Variants in AMOTL1 observed in about 807,000 individuals in gnomAD.
AMOTL1 encodes angiomotin-like protein 1.
A neutral mutation model predicts 102.9 loss-of-function variants in AMOTL1; 45 were observed. That is an observed-to-expected ratio of 0.44 (90% CI 0.34 to 0.56). AMOTL1 has a LOEUF of 0.56. Among genes scored for constraint, AMOTL1 ranks in the 20% least tolerant of loss-of-function variants. The probability of loss-of-function intolerance (pLI) is 0.01; values close to 1 mark genes in which losing one functional copy is unlikely to be tolerated. For synonymous variants in AMOTL1, 481 were observed against 484.7 expected (o/e 0.99, Z 0.10); for missense variants, 1,114 against 1,225.6 (o/e 0.91, Z 1.36).
intron 6 of AMOTL1, among the ~76,000 whole-genome samples, chr11:94,841,542 TG>T (rs1364844134): frequency 6.6e-6 from 1 of 152,252 alleles, no homozygotes; most frequent in Non-Finnish European, 1.5e-5. Context: ...TGATTTAAAA[TG>T]GAATCACTAG....
At chr11:94,756,118 C>G (rs1055959112) in intron 3 of AMOTL1, among the ~76,000 whole-genome samples, 1 of 147,936 alleles carries the variant, frequency 6.8e-6, no homozygotes, top group Non-Finnish European at 1.5e-5. Context: ...ATTCCGCTGT[C>G]GATGGCCTGC....
chr11:94,809,484 G>A (rs920482703), intron 3 of AMOTL1, among the ~76,000 whole-genome samples: 2 of 152,288 alleles, frequency 1.3e-5, no homozygotes, highest in African/African-American at 2.4e-5. Flanking sequence ...ATTGCATTCC[G>A]TGGTGCTGGA....
At chr11:94,756,230 G>A (rs1006943770) in intron 3 of AMOTL1, among the ~76,000 whole-genome samples, 7 of 152,088 alleles carry the variant, frequency 4.6e-5, no homozygotes, top group African/African-American at 1.7e-4. Flanking sequence ...GGCACAGGAT[G>A]GGGGGCGTGG....
At chr11:94,824,287 A>G (rs1951922586) in intron 4 of AMOTL1, among the ~76,000 whole-genome samples, 1 of 152,200 alleles carries the variant, frequency 6.6e-6, no homozygotes, top group Non-Finnish European at 1.5e-5. Context: ...GGAAGCTACA[A>G]TTTTAAGCAA....
intron 3 of AMOTL1, among the ~76,000 whole-genome samples, chr11:94,808,965 C>CTTTTTTTTTTTTTTTT (rs199619372): frequency 3.6e-5 from 4 of 111,894 alleles, no homozygotes; most frequent in Non-Finnish European, 7.4e-5. Flanking sequence ...TTCTTTCTTT[C>CTTTTTTTTTTTTTTTT]TTTTTTTTTT....
intron 8 of AMOTL1, among the ~76,000 whole-genome samples, chr11:94,855,046 A>G (rs1268677154): frequency 6.6e-6 from 1 of 152,208 alleles, no homozygotes; most frequent in African/African-American, 2.4e-5. Context: ...CCTGTCCACC[A>G]TCACCCAGCA....
chr11:94,835,247 CT>C (rs1357250348), intron 6 of AMOTL1, among the ~76,000 whole-genome samples: 1 of 152,216 alleles, frequency 6.6e-6, no homozygotes, highest in African/African-American at 2.4e-5. Flanking sequence ...ACCAGGGCCT[CT>C]AGCCAACTCC....
In AMOTL1 at chr11:94,768,574, A is replaced by G. The variant is rs1222860226; in HGVS notation, c.49+14A>G. 3.8e-6 allele frequency: 6 copies of G among 1,587,154 alleles called. No homozygotes were observed. The highest frequency in any genetic ancestry group is 1.7e-4 in the Middle Eastern group (1 of 6,028). On this transcript the variant is annotated intron_variant, in intron 1 of 12. Coordinates refer to ENST00000433060, the MANE Select transcript of AMOTL1 (RefSeq NM_130847.3). ...CTGCGGTGAAAGGTAACCAGCCCCC[A>G]CTCGAGGTGCCGGGAGGGCGTCTCC...
At chr11:94,789,160 CT>C (rs1381502513) in intron 1 of AMOTL1, among the ~76,000 whole-genome samples, 2 of 151,988 alleles carry the variant, frequency 1.3e-5, no homozygotes, top group African/African-American at 4.8e-5. Context: ...TTATTTATTT[CT>C]GTATTTTTAT....
At chr11:94,826,665 A>G (rs917273187) in intron 4 of AMOTL1, among the ~76,000 whole-genome samples, 1 of 152,186 alleles carries the variant, frequency 6.6e-6, no homozygotes, top group Non-Finnish European at 1.5e-5. Flanking sequence ...CTACTGCGAG[A>G]AAGGCACCAA....
chr11:94,860,421 A>G (rs914536983), intron 9 of AMOTL1, among the ~76,000 whole-genome samples: 1 of 152,176 alleles, frequency 6.6e-6, no homozygotes, highest in African/African-American at 2.4e-5. Context: ...TTGTAGGTGT[A>G]TGGCTTATTC....
intron 3 of AMOTL1, among the ~76,000 whole-genome samples, chr11:94,810,498 A>AC (rs1308594578): frequency 6.7e-6 from 1 of 148,510 alleles, no homozygotes; most frequent in Non-Finnish European, 1.5e-5. Flanking sequence ...TTTTAGTCCA[A>AC]AAAAAAAAAA....
rs118009967 is a variant in AMOTL1, at chr11:94,750,655, A to G, written c.136+9667A>G. On this transcript the variant is annotated intron_variant, in intron 3 of 4. Transcript: ENST00000299004. The stretch of plus-strand genomic sequence containing the variant: ...AGATCTCTCCACCCTTTAGAAGCCT[A>G]TGTATCCTGCCATCCTCCTCCTCAA... 2.4e-4 allele frequency among the ~76,000 whole-genome samples: 37 copies of G among 152,276 alleles called. No homozygotes were observed. In the East Asian group the frequency reaches 6.8e-3, roughly 28 times the overall value.
rs768306511 is a variant in AMOTL1 at position 94,859,516 on chromosome 11, C to T, written c.1945-9C>T. 1.2e-6 allele frequency: 2 copies of T among 1,603,668 alleles called. No individual in the cohort carries two copies. The highest frequency in any genetic ancestry group is 3.4e-5 in the Admixed American group (2 of 58,600). ...TTTGAGCATCAAGATTTTTTTTCTA[C>T]TCCTTCAGAAACATGGAAATGGCCA... On this transcript the variant is annotated splice_polypyrimidine_tract_variant and intron_variant, in intron 8 of 12. Transcript: ENST00000433060.
Position 94,799,987 on chromosome 11 carries a change from T to C in AMOTL1, c.797T>C (p.Met266Thr), listed in dbSNP as rs1043581505. Residue 266 changes from methionine (M) to threonine (T), a missense_variant, in exon 3 of 13, where the codon ATG (methionine) becomes ACG (threonine). By Grantham distance (81) the Met-to-Thr change is moderately conservative (BLOSUM62 -1). Transcript: ENST00000433060. This position sits in a 1 kb window ranked among gnomAD's most constrained non-coding sequence, Gnocchi z 4.5. ...GHVRSLSERI[M>T]QLSLERNGAK... Reference sequence around the variant, plus strand: ...GTCCGCTCGCTCAGCGAGAGAATCATGCAGCTGTCCCTGGAGAGGAATGGG... The same window carrying C: ...GTCCGCTCGCTCAGCGAGAGAATCACGCAGCTGTCCCTGGAGAGGAATGGG... 1.2e-6 allele frequency: 2 copies of C among 1,614,026 alleles called. No individual in the cohort carries two copies. Among genetic ancestry groups the C allele is most frequent in the South Asian group, 2.2e-5 (2 of 91,084 alleles).
intron 1 of AMOTL1, among the ~76,000 whole-genome samples, chr11:94,713,036 T>A (rs1299474839): frequency 6.7e-6 from 1 of 148,870 alleles, no homozygotes; most frequent in East Asian, 1.9e-4. Context: ...CAAATTTAGT[T>A]TTTTTTTGTT....
At chr11:94,740,816 T>C in intron 2 of AMOTL1, 1 of 753,130 alleles carries the variant, frequency 1.3e-6, no homozygotes, top group South Asian at 1.5e-5. Flanking sequence ...GCTCAGGGAT[T>C]CTGAGCGCTG....
intron 1 of AMOTL1, among the ~76,000 whole-genome samples, chr11:94,721,895 A>G (rs1950179894): frequency 1.3e-5 from 2 of 152,278 alleles, no homozygotes; most frequent in Admixed American, 1.3e-4. Flanking sequence ...GTAAAGATCT[A>G]TATATTAACA....
chr11:94,721,098 T>C (rs542377852), intron 1 of AMOTL1, among the ~76,000 whole-genome samples: 54 of 152,178 alleles, frequency 3.5e-4, no homozygotes, highest in African/African-American at 1.3e-3. Flanking sequence ...TCTAGGCTTT[T>C]AAAAGATCTT....
Sources: allele counts gnomAD v4.1 joint callset (sites outside exome capture counted in the v4.1 genomes callset), GRCh38; gene constraint gnomAD v4.1.1; non-coding constraint Gnocchi (gnomAD v3.1); transcripts MANE v1.5; gene names NCBI Gene and HGNC (gene_info 2026-07-23, HGNC 2026-07-21).